Variants in NBAS observed in about 807,000 individuals in gnomAD.
NBAS encodes the protein NBAS subunit of NRZ tethering complex, also known as NAG/BC035112 fusion.
In NBAS, 219 loss-of-function variants were observed where a neutral mutation model predicts 302.5. The observed-to-expected ratio is 0.72, with a 90% CI of 0.65 to 0.81. The LOEUF (loss-of-function observed/expected upper bound fraction) is 0.81. NBAS is among the 30% of genes least tolerant of loss of function. NBAS has a pLI of 0.00. For missense variants in NBAS, 2,932 were observed against 2,841.6 expected, an observed-to-expected ratio of 1.03 and a Z score of -0.72; for synonymous variants, 1,118 against 1,021.6, an observed-to-expected ratio of 1.09 and a Z score of -1.80.
chr2:14,939,045 C>G, the NBAS span, among the ~76,000 whole-genome samples: 1 of 152,206 alleles, frequency 6.6e-6, no homozygotes, highest in Non-Finnish European at 1.5e-5. Context: ...TAAGTAGGCA[C>G]AACTTCACTT....
At chr2:15,323,193 C>T (rs1043214165) in intron 38 of NBAS, among the ~76,000 whole-genome samples, 18 of 152,312 alleles carry the variant, frequency 1.2e-4, no homozygotes, top group African/African-American at 3.9e-4. Flanking sequence ...CACTAGGATG[C>T]AGACGCACTA....
At chr2:15,396,295 T>A (rs1251090428) in intron 27 of NBAS, 118 bp downstream of exon 27, 3 of 769,650 alleles carry the variant, frequency 3.9e-6, no homozygotes, top group Non-Finnish European at 6.3e-6. Context: ...CCCAAGACAA[T>A]CAAACAAAAA....
At chr2:14,784,605 C>G in the NBAS span, among the ~76,000 whole-genome samples, 2 of 152,044 alleles carry the variant, frequency 1.3e-5, no homozygotes, top group Admixed American at 6.6e-5. Context: ...TTTTTCTCAG[C>G]TTTGTCAAAG....
chr2:15,326,169 T>C (rs1018227340), intron 38 of NBAS, among the ~76,000 whole-genome samples: 4 of 152,288 alleles, frequency 2.6e-5, no homozygotes, highest in South Asian at 2.1e-4. Context: ...ACGAAAAAGT[T>C]TGAAATACTG....
At chr2:15,110,391 G>T in the NBAS span, among the ~76,000 whole-genome samples, 1 of 152,122 alleles carries the variant, frequency 6.6e-6, no homozygotes. Flanking sequence ...ATTATTTCAA[G>T]TTTTATTTAT....
chr2:15,497,775 A>G (rs942568146), intron 11 of NBAS, among the ~76,000 whole-genome samples: 2 of 152,202 alleles, frequency 1.3e-5, no homozygotes, highest in Admixed American at 1.3e-4. Flanking sequence ...TATGGAATAT[A>G]TTGATGTTGA....
the NBAS span, among the ~76,000 whole-genome samples, chr2:14,799,483 C>A: frequency 1.2e-4 from 18 of 152,094 alleles, no homozygotes; most frequent in African/African-American, 4.1e-4. Context: ...ACTATATGGT[C>A]GATCTTAGTA....
chr2:15,060,333 A>G, the NBAS span, among the ~76,000 whole-genome samples: 1 of 152,096 alleles, frequency 6.6e-6, no homozygotes, highest in Non-Finnish European at 1.5e-5. Context: ...TCTCAGGACC[A>G]CCACCTGTGC....
the NBAS span, among the ~76,000 whole-genome samples, chr2:14,909,112 C>T: frequency 2.0e-5 from 3 of 151,924 alleles, no homozygotes; most frequent in East Asian, 5.8e-4. Flanking sequence ...GCGGGCGGAT[C>T]ACGAGGTCAG....
chr2:15,391,094 A>G (rs1243661678), intron 28 of NBAS, among the ~76,000 whole-genome samples: 2 of 152,020 alleles, frequency 1.3e-5, no homozygotes, highest in African/African-American at 2.4e-5. Context: ...TGGGCGACAG[A>G]GCAAGATTCC....
chr2:15,379,510 A>G (rs1674923966), intron 30 of NBAS, 92 bp downstream of exon 30: 4 of 1,284,160 alleles, frequency 3.1e-6, no homozygotes, highest in South Asian at 1.2e-5. Flanking sequence ...TGTACCTGTG[A>G]TAATATATTT....
chr2:15,449,730 T>A (rs1678919519), intron 21 of NBAS, among the ~76,000 whole-genome samples: 2 of 152,188 alleles, frequency 1.3e-5, no homozygotes, highest in South Asian at 4.1e-4. Flanking sequence ...TGTTAGGCCT[T>A]TCTTAGCTGA....
At chr2:15,103,874 G>A in the NBAS span, among the ~76,000 whole-genome samples, 2 of 152,090 alleles carry the variant, frequency 1.3e-5, no homozygotes, top group African/African-American at 4.8e-5. Flanking sequence ...GACTGCGTAA[G>A]TCTATTATTA....
intron 28 of NBAS, among the ~76,000 whole-genome samples, chr2:15,392,821 G>GA (rs1176976938): frequency 6.6e-6 from 1 of 151,056 alleles, no homozygotes. Flanking sequence ...AACTTTGGGG[G>GA]AAAAAAAACA....
chr2:15,105,823 C>T, the NBAS span, among the ~76,000 whole-genome samples: 2 of 152,130 alleles, frequency 1.3e-5, no homozygotes, highest in Admixed American at 6.5e-5. Flanking sequence ...GATCGTATTT[C>T]TCCCCTGGTC....
the NBAS span, among the ~76,000 whole-genome samples, chr2:14,822,876 G>T: frequency 2.0e-5 from 3 of 152,156 alleles, no homozygotes; most frequent in Non-Finnish European, 4.4e-5. Context: ...CAGACAATAT[G>T]CTAAATGTAA....
the NBAS span, among the ~76,000 whole-genome samples, chr2:15,101,612 G>T: frequency 6.6e-6 from 1 of 152,058 alleles, no homozygotes; most frequent in African/African-American, 2.4e-5. Context: ...TATTGAAGGG[G>T]TAAGATTTGC....
chr2:15,384,478 T>C (rs574962931), intron 28 of NBAS, among the ~76,000 whole-genome samples: 3 of 152,156 alleles, frequency 2.0e-5, no homozygotes, highest in Non-Finnish European at 4.4e-5. Flanking sequence ...TTAGATTCCC[T>C]TTTTGTATAG....
chr2:15,481,441 T>A (rs914642077), intron 12 of NBAS, among the ~76,000 whole-genome samples: 1 of 152,142 alleles, frequency 6.6e-6, no homozygotes, highest in Non-Finnish European at 1.5e-5. Context: ...CATCACCACA[T>A]CTGATACACA....
Sources: gnomAD v4.1 joint callset for allele counts (sites outside exome capture counted in the v4.1 genomes callset) on GRCh38, gnomAD v4.1.1 for gene constraint, MANE v1.5 for transcripts, NCBI Gene and HGNC (gene_info 2026-07-23, HGNC 2026-07-21) for gene names.